The following EPB41L2 variants were observed in gnomAD, a reference collection of about 807,000 sequenced individuals.
EPB41L2 encodes band 4.1-like protein 2.
In EPB41L2, 43 loss-of-function variants were observed where a neutral mutation model predicts 113.0. The ratio of observed to expected loss-of-function variants is 0.38; its 90% CI spans 0.30 to 0.49. The LOEUF is 0.49. Ranked by LOEUF, EPB41L2 falls within the 20% of genes least tolerant of loss-of-function variation. The pLI is 0.95. For missense variants in EPB41L2, 1,147 were observed against 1,223.4 expected, an observed-to-expected ratio of 0.94 and a Z score of 0.93; for synonymous variants, 442 against 436.7, an observed-to-expected ratio of 1.01 and a Z score of -0.15.
chr6:130,901,132 C>T lies in EPB41L2; in HGVS notation c.978G>A (p.Leu326=), dbSNP rs1012758497. 6.2e-7 allele frequency: 1 copy of T among 1,613,922 alleles called. No homozygotes were observed. Among genetic ancestry groups the T allele is most frequent in the African/African-American group, 1.3e-5 (1 of 74,906 alleles). Residue 326 remains leucine, a synonymous_variant, in exon 7 of 20, where the codon CTG becomes CTA. Coordinates refer to ENST00000337057, the MANE Select transcript of EPB41L2 (RefSeq NM_001431.4). The stretch of plus-strand genomic sequence containing the variant: ...GAGCATGAGTCACAAAAGAGCAGGG[C>T]AGGCGGCCAGAGGCAATGTCCTGCC... ...QLRQDIASGR[L]PCSFVTHALL... is the part of the protein sequence containing the mutation.
At chr6:130,896,091 A>G (rs1216529389) in intron 8 of EPB41L2, among the ~76,000 whole-genome samples, 2 of 152,188 alleles carry the variant, frequency 1.3e-5, no homozygotes, top group African/African-American at 2.4e-5. Context: ...CAAACCCCAT[A>G]TTTAGTCTAA....
At chr6:130,969,303 C>A (rs1335282801) in intron 1 of EPB41L2, among the ~76,000 whole-genome samples, 1 of 152,162 alleles carries the variant, frequency 6.6e-6, no homozygotes, top group Non-Finnish European at 1.5e-5. Context: ...TATAGAGCAT[C>A]CCTAACAGTG....
At chr6:130,997,069 C>T (rs1783306482) in intron 1 of EPB41L2, among the ~76,000 whole-genome samples, 1 of 152,126 alleles carries the variant, frequency 6.6e-6, no homozygotes, top group Non-Finnish European at 1.5e-5. Context: ...TCATACTATT[C>T]CTCTTTGAGC....
chr6:130,880,117 A>G, intron 13 of EPB41L2, 27 bp downstream of exon 13: 2 of 1,557,096 alleles, frequency 1.3e-6, no homozygotes, highest in Non-Finnish European at 8.9e-7. Flanking sequence ...CCATTAGGAC[A>G]GAGTTGTTTT....
chr6:130,863,252 C>A (rs752616512), intron 18 of EPB41L2, among the ~76,000 whole-genome samples: 1 of 152,148 alleles, frequency 6.6e-6, no homozygotes, highest in Admixed American at 6.6e-5. Context: ...TTGAAAAGTT[C>A]CTAAAAGTAG....
intron 12 of EPB41L2, among the ~76,000 whole-genome samples, chr6:130,884,144 G>A (rs1368783395): frequency 1.3e-5 from 2 of 152,122 alleles, no homozygotes; most frequent in African/African-American, 4.8e-5. Flanking sequence ...AGATGAGCCT[G>A]ACCAACACGG....
At chr6:130,929,005 T>G (rs1055824089) in intron 3 of EPB41L2, among the ~76,000 whole-genome samples, 61 of 152,232 alleles carry the variant, frequency 4.0e-4, no homozygotes, top group African/African-American at 1.4e-3. Flanking sequence ...CTAAAGCTGC[T>G]TCTCTACTAT....
intron 19 of EPB41L2, among the ~76,000 whole-genome samples, chr6:130,843,558 T>C (rs1776152937): frequency 6.6e-6 from 1 of 152,258 alleles, no homozygotes; most frequent in African/African-American, 2.4e-5. Context: ...AGGTTCATCC[T>C]GAGTTTGGGT....
At chr6:131,028,349 A>G (rs753027725) in intron 1 of EPB41L2, among the ~76,000 whole-genome samples, 47 of 152,158 alleles carry the variant, frequency 3.1e-4, no homozygotes, top group Non-Finnish European at 6.5e-4. Flanking sequence ...TTTGTCACGA[A>G]TGGATTGGGT....
At position 130,843,929 on chromosome 6, in the gene EPB41L2, C is replaced by CCATACATA. The variant is rs1375251887; in HGVS notation, c.*6-3339_*6-3332dup. On this transcript the variant is annotated intron_variant, in intron 19 of 19. Coordinates refer to ENST00000337057, the MANE Select transcript of EPB41L2 (RefSeq NM_001431.4). Reference sequence around the variant, plus strand: ...CCCAATGAGCAGTGGTGAAAAAAGTCCATACATACAAGTTCTATGATCTTG... The same window carrying CCATACATA: ...CCCAATGAGCAGTGGTGAAAAAAGTCCATACATACATACATACAAGTTCTATGATCTTG... Among the ~76,000 whole-genome samples the CCATACATA allele has an allele frequency of 2.0e-5, 3 of 152,176 alleles. No homozygotes were observed. The East Asian group carries it at 5.8e-4, about 29-fold the overall frequency.
chr6:130,955,884 G>T, intron 2 of EPB41L2, 110 bp downstream of exon 2: 1 of 1,495,776 alleles, frequency 6.7e-7, no homozygotes, highest in Non-Finnish European at 8.9e-7. Context: ...TTAAGCTAAA[G>T]CAGTATCTCA....
At chr6:130,997,031 T>C (rs1356483252) in intron 1 of EPB41L2, among the ~76,000 whole-genome samples, 1 of 152,224 alleles carries the variant, frequency 6.6e-6, no homozygotes, top group Non-Finnish European at 1.5e-5. Flanking sequence ...CCATGTGGTA[T>C]AGATTTACCA....
intron 1 of EPB41L2, among the ~76,000 whole-genome samples, chr6:130,989,422 T>G (rs554557322): frequency 1.4e-4 from 22 of 152,102 alleles, no homozygotes; most frequent in Admixed American, 4.6e-4. Context: ...CTTTATAATC[T>G]CAATTTTGAA....
rs905751075 is a variant in EPB41L2, at chr6:130,885,234, C to A, written c.1695G>T (p.Lys565Asn). 1 of 1,614,090 alleles carries A rather than the reference C, an allele frequency of 6.2e-7. No individual in the cohort carries two copies. Among genetic ancestry groups the A allele is most frequent in the African/African-American group, 1.3e-5 (1 of 75,024 alleles). ...TCTCCCCAGCAGCGCCAGGAAAATC[C>A]TTCATAAGACTTTGGTCCATGACAC... ...PIGVMDQSLM[K>N]DFPGAAGEIS... Residue 565 changes from lysine to asparagine, a missense_variant, in exon 12 of 20, where the codon AAG (lysine) becomes AAT (asparagine). By Grantham distance (94) the Lys-to-Asn change is moderately conservative. Coordinates refer to ENST00000337057, the MANE Select transcript of EPB41L2 (RefSeq NM_001431.4).
intron 1 of EPB41L2, among the ~76,000 whole-genome samples, chr6:131,028,182 T>C (rs1026400723): frequency 3.3e-5 from 5 of 152,222 alleles, no homozygotes; most frequent in African/African-American, 9.6e-5. Flanking sequence ...AGAATTAACG[T>C]GTTTTAAAAT....
rs149169560 is a variant in EPB41L2 at position 130,865,582 on chromosome 6, A to C, written c.2783T>G (p.Ile928Ser). ...CGTTGTTGACACGGACTCAGATGTG[A>C]TGGTTTGTGCGGTCAGTAACGTGCC... ...DSGTLLTAQT[I>S]TSESVSTTTT... is the part of the protein sequence containing the mutation. Residue 928 changes from isoleucine (I) to serine (S), a missense_variant, in exon 17 of 20, where the codon ATC becomes AGC. By Grantham distance (142) the Ile-to-Ser change is moderately radical (BLOSUM62 -2). Coordinates refer to ENST00000337057, the MANE Select transcript of EPB41L2 (RefSeq NM_001431.4). 12 of 1,614,034 alleles carry C rather than the reference A, an allele frequency of 7.4e-6. No individual in the cohort carries two copies. Among genetic ancestry groups the C allele is most frequent in the Non-Finnish European group, 9.3e-6 (11 of 1,180,032 alleles).
At position 130,956,309 on chromosome 6, in the gene EPB41L2, T is replaced by C; in HGVS notation, c.177A>G (p.Leu59=). The C allele has an allele frequency of 1.2e-6, 2 of 1,614,164 alleles. No individual in the cohort carries two copies. The highest frequency in any genetic ancestry group is 8.5e-7 in the Non-Finnish European group (1 of 1,180,020). The change falls in exon 2 of 20, where the codon CTA becomes CTG. Residue 59 remains leucine, a synonymous_variant. Coordinates refer to ENST00000337057, the MANE Select transcript of EPB41L2 (RefSeq NM_001431.4). ...TTTCCTTCTCTCTCTTCTGGCGGCGTAGACTACTTTGGCTTTCAGCTGCAG... is the reference window on the plus strand; with the variant it reads ...TTTCCTTCTCTCTCTTCTGGCGGCGCAGACTACTTTGGCTTTCAGCTGCAG... ...PPPAAESQSS[L]RRQKREKETS...
At chr6:130,973,965 A>G (rs956377212) in intron 1 of EPB41L2, among the ~76,000 whole-genome samples, 11 of 152,198 alleles carry the variant, frequency 7.2e-5, no homozygotes, top group Non-Finnish European at 1.2e-4. Flanking sequence ...ACTGGGCCCT[A>G]TGAATTCAAC....
intron 16 of EPB41L2, 167 bp from the exon 17 acceptor site, chr6:130,865,801 G>A: frequency 1.6e-6 from 1 of 627,274 alleles, no homozygotes; most frequent in Non-Finnish European, 2.7e-6. Context: ...ACCGAGTAGA[G>A]GCAAAAGGCT....
Sources: gnomAD v4.1 joint callset for allele counts (sites outside exome capture counted in the v4.1 genomes callset) on GRCh38, gnomAD v4.1.1 for gene constraint, MANE v1.5 for transcripts, NCBI Gene and HGNC (gene_info 2026-07-23, HGNC 2026-07-21) for gene names.